The following FEM1C variants were observed in gnomAD, a reference collection of about 807,000 sequenced individuals.
FEM1C encodes protein fem-1 homolog C.
In FEM1C, 15 loss-of-function variants were observed where a neutral mutation model predicts 37.6. That is an observed-to-expected ratio of 0.40 (90% CI 0.27 to 0.61). The LOEUF (loss-of-function observed/expected upper bound fraction) is 0.61. Among genes scored for constraint, FEM1C ranks in the 20% least tolerant of loss-of-function variants. The pLI, the probability that FEM1C is intolerant of heterozygous loss-of-function variation, is 0.42. For missense variants in FEM1C, 532 were observed against 749.7 expected (o/e 0.71, Z 3.39); for synonymous variants, 287 against 272.8 (o/e 1.05, Z -0.51).
At chr5:115,536,286 A>C (rs1379174797) in intron 2 of FEM1C, among the ~76,000 whole-genome samples, 1 of 152,042 alleles carries the variant, frequency 6.6e-6, no homozygotes, top group Admixed American at 6.6e-5. Context: ...TGAAAGTATA[A>C]GTGTTGACTG....
chr5:115,528,366 G>C (rs575188037), intron 2 of FEM1C, among the ~76,000 whole-genome samples: 3 of 152,260 alleles, frequency 2.0e-5, no homozygotes, highest in African/African-American at 7.2e-5. Flanking sequence ...AGAGCTAGCT[G>C]AAACACTGAG....
At chr5:115,535,269 C>A in intron 2 of FEM1C, among the ~76,000 whole-genome samples, 1 of 118,706 alleles carries the variant, frequency 8.4e-6, no homozygotes. Context: ...GTATAAACAC[C>A]ACCATCAAAA....
intron 2 of FEM1C, among the ~76,000 whole-genome samples, chr5:115,528,591 T>C (rs1193544147): frequency 6.6e-6 from 1 of 152,108 alleles, no homozygotes; most frequent in Non-Finnish European, 1.5e-5. Flanking sequence ...GGATGACTAG[T>C]ATACAGAATT....
chr5:115,543,095 C>T lies in FEM1C; in HGVS notation c.399G>A (p.Lys133=), dbSNP rs745787359. 8 of 1,614,104 alleles carry T rather than the reference C, an allele frequency of 5.0e-6. No homozygotes were observed. Among genetic ancestry groups the T allele is most frequent in the East Asian group, 4.5e-5 (2 of 44,902 alleles). Residue 133 remains lysine, a synonymous_variant, in exon 2 of 3, where the codon AAG becomes AAA. Coordinates refer to ENST00000274457, the MANE Select transcript of FEM1C (RefSeq NM_020177.3). ...AATCAGCTTTGTGTTCTACAAGGTA[C>T]TTCACTATTTCCAAATGGCCATCGA... ...ACFDGHLEIV[K]YLVEHKADLE...
intron 2 of FEM1C, among the ~76,000 whole-genome samples, chr5:115,525,927 T>A (rs1358785968): frequency 6.6e-6 from 1 of 152,154 alleles, no homozygotes; most frequent in African/African-American, 2.4e-5. Flanking sequence ...TATTTTATTA[T>A]CTAAAAATCG....
In FEM1C at chr5:115,524,667, G is replaced by A. The variant is rs771739705; in HGVS notation, c.1495C>T (p.Arg499Trp). ...GATGGAAATTTACAAACAGGGTACC[G>A]CCCTACACATGTAGTATTCTTGTCC... ...AVDKNTTCVG[R>W]YPVCKFPSLQ... Residue 499 changes from arginine (R) to tryptophan (W), a missense_variant, in exon 3 of 3, where the codon CGG becomes TGG. Physicochemically the swap from Arg to Trp is moderately radical, Grantham distance 101 (BLOSUM62 -3). Transcript: ENST00000274457. 4 of 1,558,828 alleles carry A rather than the reference G, an allele frequency of 2.6e-6. No homozygotes were observed. Among genetic ancestry groups the A allele is most frequent in the African/African-American group, 1.4e-5 (1 of 72,952 alleles).
Position 115,529,611 on chromosome 5 carries a change from G to A in FEM1C, c.545-3994C>T, listed in dbSNP as rs542372481. Among the ~76,000 whole-genome samples the A allele has an allele frequency of 2.0e-5, 3 of 152,078 alleles. No individual in the cohort carries two copies. The South Asian group carries it at 6.2e-4, about 32-fold the overall frequency. On this transcript the variant is annotated intron_variant, in intron 2 of 2. Coordinates refer to ENST00000274457, the MANE Select transcript of FEM1C (RefSeq NM_020177.3). ...TATAGGCAAAAACATCAACAAAAAG[G>A]GTAAATTTGTGAGTACATCTAAATA...
In FEM1C at chr5:115,524,937, C is replaced by G; in HGVS notation, c.1225G>C (p.Asp409His). The change falls in exon 3 of 3, where the codon GAT becomes CAT. Residue 409 changes from aspartate (D) to histidine (H), a missense_variant. By Grantham distance (81) the Asp-to-His change is moderately conservative. Around this residue, in one of 3 missense-constraint regions of FEM1C, gnomAD observed 237 missense variants for 260.5 expected, o/e 0.91. Transcript: ENST00000274457. Reference protein sequence around the residue: ...KGLLGTTVTFDDLMGILCKSV... With the variant: ...KGLLGTTVTFHDLMGILCKSV... ...TTGCAAAGTATGCCCATAAGATCAT[C>G]AAATGTAACAGTAGTACCCAGCAGG... 1 of 1,613,764 alleles carries G rather than the reference C, an allele frequency of 6.2e-7. No individual in the cohort carries two copies. The highest frequency in any genetic ancestry group is 8.5e-7 in the Non-Finnish European group (1 of 1,179,844).
intron 2 of FEM1C, among the ~76,000 whole-genome samples, chr5:115,534,462 G>GT (rs1754080000): frequency 6.6e-6 from 1 of 151,818 alleles, no homozygotes; most frequent in South Asian, 2.1e-4. Context: ...CAAACCAAAC[G>GT]TTTTGAGTTT....
chr5:115,523,911 G>C lies in FEM1C; in HGVS notation c.*397C>G, dbSNP rs562487465. On this transcript the variant is annotated 3_prime_UTR_variant, in exon 3 of 3. Transcript: ENST00000274457. ...CAAACAATAAAGTAGAAACAGGGGGGAAACTTGAGAAGAGAAGAAAGAAGC... is the reference window on the plus strand; with the variant it reads ...CAAACAATAAAGTAGAAACAGGGGGCAAACTTGAGAAGAGAAGAAAGAAGC... 5 of 180,708 alleles carry C rather than the reference G, an allele frequency of 2.8e-5. No individual in the cohort carries two copies. The highest frequency in any genetic ancestry group is 5.8e-5 in the Non-Finnish European group (5 of 86,002). 11.2% of individuals were successfully genotyped at this position (180,708 alleles called of 1,614,324 possible).
At chr5:115,532,020 G>A (rs1754026007) in intron 2 of FEM1C, among the ~76,000 whole-genome samples, 1 of 151,972 alleles carries the variant, frequency 6.6e-6, no homozygotes, top group African/African-American at 2.4e-5. Flanking sequence ...TTCCTATAAA[G>A]CACTTCCTTC....
At position 115,542,520 on chromosome 5, in the gene FEM1C, C is replaced by A. The variant is rs190925443; in HGVS notation, c.544+430G>T. On this transcript the variant is annotated intron_variant, in intron 2 of 2. Coordinates refer to ENST00000274457, the MANE Select transcript of FEM1C (RefSeq NM_020177.3). Reference sequence around the variant, plus strand: ...AAATGACTGCCTAGAACAAACAAGACCATGACTCAATAAATATAGTAATTT... The same window carrying A: ...AAATGACTGCCTAGAACAAACAAGAACATGACTCAATAAATATAGTAATTT... Among the ~76,000 whole-genome samples, 6 of 151,208 alleles carry A rather than the reference C, an allele frequency of 4.0e-5. No individual in the cohort carries two copies. In the East Asian group the frequency reaches 9.7e-4, roughly 24 times the overall value.
In FEM1C at chr5:115,524,599, C is replaced by A; in HGVS notation, c.1563G>T (p.Val521=). Reference sequence around the variant, plus strand: ...TGTTGTCATCCGAGTCTCTGACGTTCACATCAGCACCACATTCTATCAGTA... The same window carrying A: ...TGTTGTCATCCGAGTCTCTGACGTTAACATCAGCACCACATTCTATCAGTA... ...TAILIECGAD[V]NVRDSDDNSP... The change falls in exon 3 of 3, where the codon GTG becomes GTT. Residue 521 remains valine (V), a synonymous_variant. Transcript: ENST00000274457. The A allele has an allele frequency of 1.2e-6, 2 of 1,609,754 alleles. No homozygotes were observed. Among genetic ancestry groups the A allele is most frequent in the Non-Finnish European group, 1.7e-6 (2 of 1,178,244 alleles).
At position 115,525,448 on chromosome 5, in the gene FEM1C, CTGTGCATGGTG is replaced by C; in HGVS notation, c.703_713del (p.His235AspfsTer8). 1 of 1,613,666 alleles carries C rather than the reference CTGTGCATGGTG, an allele frequency of 6.2e-7. No individual in the cohort carries two copies. Among genetic ancestry groups the C allele is most frequent in the Non-Finnish European group, 8.5e-7 (1 of 1,179,782 alleles). ...CATTAATACGTTCTGTCTTGCTGGT[CTGTGCATGGTG>C]TGTCAGAAAATCCACAATATTTGTG... On this transcript the variant is annotated frameshift_variant, in exon 3 of 3. Transcript: ENST00000274457. LOFTEE classifies it high-confidence loss of function.
chr5:115,535,389 T>A (rs935111071), intron 2 of FEM1C, among the ~76,000 whole-genome samples: 4 of 150,070 alleles, frequency 2.7e-5, no homozygotes, highest in African/African-American at 4.9e-5. Flanking sequence ...AGTTCAGTAA[T>A]ACAAAGATAA....
At position 115,524,861 on chromosome 5, in the gene FEM1C, T is replaced by C; in HGVS notation, c.1301A>G (p.Asp434Gly). 6.2e-7 allele frequency: 1 copy of C among 1,613,480 alleles called. No homozygotes were observed. Among genetic ancestry groups the C allele is most frequent in the Non-Finnish European group, 8.5e-7 (1 of 1,179,734 alleles). ...RAIKQTQCPA[D>G]PLQLNKALSI... ...AAGGGCCTTATTTAACTGTAATGGG[T>C]CAGCTGGACACTGAGTTTGTTTGAT... The change falls in exon 3 of 3, where the codon GAC (aspartate) becomes GGC (glycine). Residue 434 changes from aspartate (D) to glycine (G), a missense_variant. Coordinates refer to ENST00000274457, the MANE Select transcript of FEM1C (RefSeq NM_020177.3).
chr5:115,539,207 G>C (rs940787728), intron 2 of FEM1C, among the ~76,000 whole-genome samples: 1 of 152,008 alleles, frequency 6.6e-6, no homozygotes, highest in Non-Finnish European at 1.5e-5. Flanking sequence ...AGCCTACAGC[G>C]TTTTCTATTG....
At chr5:115,533,183 C>T (rs1754053371) in intron 2 of FEM1C, among the ~76,000 whole-genome samples, 1 of 151,972 alleles carries the variant, frequency 6.6e-6, no homozygotes, top group Admixed American at 6.6e-5. Context: ...ATTCTTTCTA[C>T]TACTAAAATT....
At chr5:115,539,306 G>C (rs1434067949) in intron 2 of FEM1C, among the ~76,000 whole-genome samples, 1 of 151,888 alleles carries the variant, frequency 6.6e-6, no homozygotes. Context: ...CTTAACTTTG[G>C]ATCTGCAAAG....
Sources: allele counts gnomAD v4.1 joint callset (sites outside exome capture counted in the v4.1 genomes callset), GRCh38; gene constraint gnomAD v4.1.1; regional missense constraint gnomAD v4.1.1; transcripts MANE v1.5; gene names NCBI Gene and HGNC (gene_info 2026-07-23, HGNC 2026-07-21).